The following GPC5 variants were observed in gnomAD, a reference collection of about 807,000 sequenced individuals.
The protein encoded by GPC5 is glypican 5.
A neutral mutation model predicts 53.9 loss-of-function variants in GPC5; 47 were observed. That is an observed-to-expected ratio of 0.87 (90% CI 0.69 to 1.11). The LOEUF is 1.11. Ranked by LOEUF, GPC5 falls within the 50% of genes most tolerant of loss-of-function variation. The pLI is 0.00. For missense variants in GPC5, 748 were observed against 713.1 expected (o/e 1.05, Z -0.56); for synonymous variants, 286 against 263.3 (o/e 1.09, Z -0.84).
Position 91,399,046 on chromosome 13 carries a change from G to A in GPC5, c.-1G>A, listed in dbSNP as rs982642548. 1 of 1,550,448 alleles carries A rather than the reference G, an allele frequency of 6.4e-7. No individual in the cohort carries two copies. Among genetic ancestry groups the A allele is most frequent in the African/African-American group, 1.4e-5 (1 of 73,114 alleles). The stretch of plus-strand genomic sequence containing the variant: ...GGGTAAAGGGGACCAGGACGGCGAG[G>A]ATGGACGCACAGACCTGGCCCGTGG... On this transcript the variant is annotated 5_prime_UTR_variant, in exon 1 of 8. Coordinates refer to ENST00000377067, the MANE Select transcript of GPC5 (RefSeq NM_004466.6).
chr13:92,535,376 G>A (rs1881690881), intron 7 of GPC5, among the ~76,000 whole-genome samples: 1 of 152,128 alleles, frequency 6.6e-6, no homozygotes, highest in East Asian at 1.9e-4. Flanking sequence ...TGCCAGGGAA[G>A]AGGCTTTCAT....
chr13:91,875,209 T>C (rs1212322517), intron 5 of GPC5, among the ~76,000 whole-genome samples: 2 of 152,166 alleles, frequency 1.3e-5, no homozygotes, highest in South Asian at 4.1e-4. Flanking sequence ...AGCAGAAATA[T>C]TAGGTTTGCT....
At chr13:92,168,084 C>T (rs1245171036) in intron 7 of GPC5, among the ~76,000 whole-genome samples, 2 of 152,092 alleles carry the variant, frequency 1.3e-5, no homozygotes, top group Non-Finnish European at 2.9e-5. Context: ...TTTCTTCTCT[C>T]CAATCATGGC....
At chr13:92,145,071 A>T in intron 7 of GPC5, 82 bp downstream of exon 7, 1 of 1,168,348 alleles carries the variant, frequency 8.6e-7, no homozygotes, top group Non-Finnish European at 1.1e-6. Context: ...ATGTAAAGAA[A>T]TAATGACAAT....
intron 7 of GPC5, among the ~76,000 whole-genome samples, chr13:92,385,656 T>C (rs1010442369): frequency 4.2e-5 from 6 of 142,896 alleles, no homozygotes; most frequent in African/African-American, 1.5e-4. Context: ...TATACACATA[T>C]ATATATACAT....
intron 7 of GPC5, among the ~76,000 whole-genome samples, chr13:92,323,072 A>G (rs1055914130): frequency 6.6e-6 from 1 of 151,512 alleles, no homozygotes; most frequent in African/African-American, 2.4e-5. Context: ...TATAATCTAT[A>G]TACTGATTTC....
intron 7 of GPC5, among the ~76,000 whole-genome samples, chr13:92,840,996 A>AT (rs1163354078): frequency 7.9e-5 from 12 of 151,966 alleles, no homozygotes; most frequent in Non-Finnish European, 1.5e-4. Flanking sequence ...GTGCAGTGGG[A>AT]TTTTTTGTGT....
chr13:92,601,668 A>G (rs1884065184), intron 7 of GPC5, among the ~76,000 whole-genome samples: 1 of 151,994 alleles, frequency 6.6e-6, no homozygotes, highest in Non-Finnish European at 1.5e-5. Context: ...TGTTTAATAA[A>G]TAATCATCTG....
intron 7 of GPC5, among the ~76,000 whole-genome samples, chr13:92,286,156 C>G (rs923373552): frequency 6.6e-6 from 1 of 152,160 alleles, no homozygotes; most frequent in Admixed American, 6.5e-5. Context: ...CACTGGCCAT[C>G]AGAGAAATGC....
rs114389376 is a variant in GPC5 at position 92,167,538 on chromosome 13, G to A, written c.1561+22549G>A. Among the ~76,000 whole-genome samples, 1,452 of 152,244 alleles carry A rather than the reference G, an allele frequency of 9.5e-3. 22 individuals are homozygous for A. Among genetic ancestry groups the A allele is most frequent in the African/African-American group, 0.031 (1,280 of 41,552 alleles). ...TATGAAGAGATATTATACAAATGAT[G>A]TTTTCTGTTTTCTCTTTTGAGTAAA... On this transcript the variant is annotated intron_variant, in intron 7 of 7. Transcript: ENST00000377067.
chr13:91,556,101 C>T (rs143218394), intron 2 of GPC5, among the ~76,000 whole-genome samples: 193 of 152,116 alleles, frequency 1.3e-3, no homozygotes, highest in Non-Finnish European at 2.2e-3. Context: ...TGACCCCTGG[C>T]AACCACTACT....
intron 6 of GPC5, among the ~76,000 whole-genome samples, chr13:92,140,147 G>T (rs2041819512): frequency 6.6e-6 from 1 of 152,176 alleles, no homozygotes; most frequent in African/African-American, 2.4e-5. Context: ...AAATGAAAGG[G>T]TGTATTCTAT....
intron 6 of GPC5, among the ~76,000 whole-genome samples, chr13:91,955,643 C>T (rs1392085839): frequency 6.6e-6 from 1 of 152,158 alleles, no homozygotes; most frequent in Non-Finnish European, 1.5e-5. Flanking sequence ...GAAAGCCCCT[C>T]AACCCTCATG....
intron 5 of GPC5, among the ~76,000 whole-genome samples, chr13:91,784,409 G>T (rs1248596711): frequency 6.6e-6 from 1 of 152,018 alleles, no homozygotes; most frequent in Non-Finnish European, 1.5e-5. Context: ...AATAAAGCAG[G>T]GAAAAGTCAT....
chr13:92,767,986 A>G (rs759584348), intron 7 of GPC5, among the ~76,000 whole-genome samples: 3 of 152,208 alleles, frequency 2.0e-5, no homozygotes, highest in Non-Finnish European at 4.4e-5. Flanking sequence ...GTTCTTAAGT[A>G]ATACATGTAG....
intron 7 of GPC5, among the ~76,000 whole-genome samples, chr13:92,720,845 T>C (rs1888489164): frequency 1.3e-5 from 2 of 152,202 alleles, no homozygotes; most frequent in South Asian, 4.1e-4. Flanking sequence ...TGCAATAAAA[T>C]CAAGAATCAT....
At chr13:91,982,650 C>T (rs2040369590) in intron 6 of GPC5, among the ~76,000 whole-genome samples, 7 of 152,058 alleles carry the variant, frequency 4.6e-5, no homozygotes, top group Admixed American at 3.9e-4. Context: ...GAATTAGATA[C>T]TATTAGTGAC....
intron 5 of GPC5, among the ~76,000 whole-genome samples, chr13:91,833,029 C>A (rs1594604413): frequency 6.6e-6 from 1 of 151,996 alleles, no homozygotes; most frequent in East Asian, 1.9e-4. Context: ...AGAGAAGAAT[C>A]AAATAGATGC....
chr13:91,576,321 GTA>G (rs59110803), intron 2 of GPC5, among the ~76,000 whole-genome samples: 22 of 115,742 alleles, frequency 1.9e-4, no homozygotes, highest in African/African-American at 7.1e-4. Context: ...TACACAATGT[GTA>G]TATATATATA....
Sources: gnomAD v4.1 joint callset for allele counts (sites outside exome capture counted in the v4.1 genomes callset) on GRCh38, gnomAD v4.1.1 for gene constraint, MANE v1.5 for transcripts, NCBI Gene and HGNC (gene_info 2026-07-23, HGNC 2026-07-21) for gene names.